The following IL13RA1 variants were observed in gnomAD, a reference collection of about 807,000 sequenced individuals.
The protein encoded by IL13RA1 is interleukin-13 receptor subunit alpha-1.
IL13RA1 carries 14 observed loss-of-function variants against 33.8 expected under a neutral mutation model. The observed-to-expected ratio is 0.41, with a 90% confidence interval of 0.27 to 0.65. The LOEUF (loss-of-function observed/expected upper bound fraction) is 0.65. Ranked by LOEUF, IL13RA1 falls within the 30% of genes least tolerant of loss-of-function variation. IL13RA1 has a pLI of 0.28. For missense variants in IL13RA1, 313 were observed against 327.0 expected, an observed-to-expected ratio of 0.96 and a Z score of 0.33; for synonymous variants, 116 against 115.7, an observed-to-expected ratio of 1.00 and a Z score of -0.02.
chrX:118,767,534 G>A (rs2251959), intron 8 of IL13RA1, among the ~76,000 whole-genome samples: 20 of 109,464 alleles, frequency 1.8e-4, no homozygotes, highest in Non-Finnish European at 3.6e-4. Context: ...GAGTGAGACC[G>A]TCTCAAGGAA....
intron 4 of IL13RA1, among the ~76,000 whole-genome samples, chrX:118,756,192 T>C (rs2017528596): frequency 9.0e-6 from 1 of 111,184 alleles, no homozygotes; most frequent in Non-Finnish European, 1.9e-5. Flanking sequence ...GACTCTTTAC[T>C]CTTAGTTCAT....
At chrX:118,774,260 C>T (rs2017759049) in intron 9 of IL13RA1, among the ~76,000 whole-genome samples, 1 of 108,385 alleles carries the variant, frequency 9.2e-6, no homozygotes, top group South Asian at 4.1e-4. Context: ...AGCAATTCTC[C>T]TGCCTCAGCC....
chrX:118,761,580 A>T (rs2017590936), intron 6 of IL13RA1: 1 of 159,540 alleles, frequency 6.3e-6, no homozygotes, highest in Non-Finnish European at 1.2e-5. Flanking sequence ...CATGCCAAGC[A>T]CTCTTTTGTG....
chrX:118,731,289 A>AACCCTGGCCAGGC (rs1296437554), intron 1 of IL13RA1, among the ~76,000 whole-genome samples: 1 of 111,934 alleles, frequency 8.9e-6, no homozygotes, highest in Non-Finnish European at 1.9e-5. Flanking sequence ...AAACCAAAGC[A>AACCCTGGCCAGGC]ACCCTGGCCA....
chrX:118,759,301 C>T (rs754741455), intron 5 of IL13RA1, among the ~76,000 whole-genome samples: 15 of 112,299 alleles, frequency 1.3e-4, no homozygotes, highest in Non-Finnish European at 2.8e-4. Context: ...TAATCTCCCT[C>T]TATCTAAAAA....
chrX:118,782,295 G>A (rs2017852518), intron 10 of IL13RA1, among the ~76,000 whole-genome samples: 1 of 108,257 alleles, frequency 9.2e-6, no homozygotes, highest in South Asian at 4.0e-4. Flanking sequence ...GGCTGGTCTT[G>A]AATTTCTAGG....
intron 1 of IL13RA1, among the ~76,000 whole-genome samples, chrX:118,735,895 A>G (rs1386136623): frequency 9.0e-6 from 1 of 111,158 alleles, no homozygotes; most frequent in Non-Finnish European, 1.9e-5. Flanking sequence ...TGGAACCCCC[A>G]TAATGCATAC....
chrX:118,779,136 G>T (rs182618433), intron 10 of IL13RA1, among the ~76,000 whole-genome samples: 1 of 112,024 alleles, frequency 8.9e-6, no homozygotes, highest in African/African-American at 3.2e-5. Context: ...GAAGATATTG[G>T]CATGTCTTGT....
chrX:118,791,773 G>C lies in IL13RA1; in HGVS notation c.1203G>C (p.Lys401Asn), dbSNP rs1310643488. ...TTCCTCCCTTCTAGCACTGGAAGAAGTACGACATCTATGAGAAGCAAACCA... is the reference window on the plus strand; with the variant it reads ...TTCCTCCCTTCTAGCACTGGAAGAACTACGACATCTATGAGAAGCAAACCA... ...DQNDDTLHWK[K>N]YDIYEKQTKE... Residue 401 changes from lysine to asparagine, a missense_variant, in exon 11 of 11, where the codon AAG becomes AAC. Physicochemically the swap from Lys to Asn is moderately conservative, Grantham distance 94 (BLOSUM62 0). Transcript: ENST00000371666. The C allele has an allele frequency of 1.0e-6, 1 of 988,909 alleles. No individual in the cohort carries two copies. The highest frequency in any genetic ancestry group is 2.3e-5 in the Admixed American group (1 of 44,154). The allele number at this position is 988,909 out of a possible 1,213,427, so 81.5% of individuals were successfully genotyped here.
chrX:118,770,556 G>A (rs767687167), intron 8 of IL13RA1: 118 of 526,493 alleles, frequency 2.2e-4, no homozygotes, highest in Admixed American at 1.6e-3. Context: ...GCATGGCAGC[G>A]CTGCCCACGT....
At chrX:118,732,481 G>T (rs896300346) in intron 1 of IL13RA1, among the ~76,000 whole-genome samples, 3 of 110,070 alleles carry the variant, frequency 2.7e-5, no homozygotes, top group African/African-American at 9.9e-5. Flanking sequence ...GTATACATGT[G>T]CCATGTTGGT....
At chrX:118,754,076 G>A (rs1303758923) in intron 4 of IL13RA1, among the ~76,000 whole-genome samples, 1 of 111,839 alleles carries the variant, frequency 8.9e-6, no homozygotes, top group Non-Finnish European at 1.9e-5. Flanking sequence ...CTGTTGGATG[G>A]TGCTGGTATA....
chrX:118,797,044 C>T (rs993815657), downstream of IL13RA1, among the ~76,000 whole-genome samples: 5 of 111,928 alleles, frequency 4.5e-5, no homozygotes, highest in African/African-American at 1.6e-4. Flanking sequence ...CTGTCTGGGT[C>T]TGTTTCCCTA....
intron 1 of IL13RA1, among the ~76,000 whole-genome samples, chrX:118,738,530 A>G (rs1304609933): frequency 9.0e-6 from 1 of 111,640 alleles, no homozygotes; most frequent in Non-Finnish European, 1.9e-5. Context: ...AGCTCCACCC[A>G]TGTTGCTGCA....
At chrX:118,762,118 C>T (rs772302505) in intron 6 of IL13RA1, among the ~76,000 whole-genome samples, 15 of 112,472 alleles carry the variant, frequency 1.3e-4, no homozygotes, top group Non-Finnish European at 2.6e-4. Flanking sequence ...TAATTAGAGG[C>T]CCTGTAGGAC....
chrX:118,733,956 C>T (rs1425932270), intron 1 of IL13RA1, among the ~76,000 whole-genome samples: 1 of 111,777 alleles, frequency 8.9e-6, no homozygotes, highest in African/African-American at 3.2e-5. Context: ...ACTGTCTATT[C>T]TATTACATTG....
chrX:118,732,686 A>G (rs1264449462), intron 1 of IL13RA1, among the ~76,000 whole-genome samples: 1 of 110,877 alleles, frequency 9.0e-6, no homozygotes, highest in Non-Finnish European at 1.9e-5. Flanking sequence ...TAGTTTGCTG[A>G]AAATGATGGT....
chrX:118,748,040 C>CGTGTGTGTGT (rs2017427910), intron 3 of IL13RA1, among the ~76,000 whole-genome samples: 1 of 53,849 alleles, frequency 1.9e-5, no homozygotes, highest in Non-Finnish European at 3.7e-5. Flanking sequence ...TGTGTGTGTA[C>CGTGTGTGTGT]ACACACAAAA....
rs765118107 is a variant in IL13RA1 at position 118,739,853 on chromosome X, T to C, written c.89-1164T>C. Among the ~76,000 whole-genome samples, 4 of 112,133 alleles carry C rather than the reference T, an allele frequency of 3.6e-5. No individual in the cohort carries two copies. The East Asian group carries it at 8.4e-4, about 24-fold the overall frequency. ...TTTGGAAAAGCTATAAAAAAACAAT[T>C]ACCAGGTCATGTTAGCAAGCAGAAT... On this transcript the variant is annotated intron_variant, in intron 1 of 10. Coordinates refer to ENST00000371666, the MANE Select transcript of IL13RA1 (RefSeq NM_001560.3).
Sources: gnomAD v4.1 joint callset for allele counts (sites outside exome capture counted in the v4.1 genomes callset) on GRCh38, gnomAD v4.1.1 for gene constraint, MANE v1.5 for transcripts, NCBI Gene and HGNC (gene_info 2026-07-23, HGNC 2026-07-21) for gene names.